Variants in CD36 observed in about 807,000 individuals in gnomAD.
The protein encoded by CD36 is platelet glycoprotein 4.
A neutral mutation model predicts 55.2 loss-of-function variants in CD36; 119 were observed. That is an observed-to-expected ratio of 2.15 (90% CI 1.86 to 2.51). CD36 has a LOEUF of 2.51. CD36 is among the 30% of genes most tolerant of loss of function. The pLI is 0.00. For synonymous variants in CD36, 186 were observed against 193.6 expected (o/e 0.96, Z 0.33); for missense variants, 819 against 555.5 (o/e 1.47, Z -4.77).
intron 1 of CD36, among the ~76,000 whole-genome samples, chr7:80,629,511 C>CT (rs747359717): frequency 3.3e-5 from 5 of 151,992 alleles, no homozygotes; most frequent in Non-Finnish European, 7.4e-5. Flanking sequence ...TATGGAGAAA[C>CT]TTTCGAATCT....
At chr7:80,666,191 T>A in intron 7 of CD36, 1 of 457,948 alleles carries the variant, frequency 2.2e-6, no homozygotes. Context: ...TTTTTTCTTA[T>A]TCCAAGATGT....
chr7:80,670,754 T>C (rs1242044784), intron 9 of CD36: 3 of 538,940 alleles, frequency 5.6e-6, no homozygotes, highest in Non-Finnish European at 9.9e-6. Context: ...GAGAAGTAAC[T>C]TGAGTATAAA....
chr7:80,673,352 C>T lies in CD36; in HGVS notation c.1200-3C>T, dbSNP rs750483474. 1.5e-6 allele frequency: 2 copies of T among 1,354,588 alleles called. No homozygotes were observed. Among genetic ancestry groups the T allele is most frequent in the South Asian group, 1.2e-5 (1 of 83,536 alleles). 83.9% of individuals were successfully genotyped at this position (1,354,588 alleles called of 1,614,324 possible). On this transcript the variant is annotated splice_polypyrimidine_tract_variant and splice_region_variant and intron_variant, in intron 12 of 14. Transcript: ENST00000447544. ...TCATAATTATTTTCAACGTATATTA[C>T]AGAGTATTAAAGAATCTGAAGAGGA...
chr7:80,671,676 AG>A (rs1269995309), intron 10 of CD36, among the ~76,000 whole-genome samples: 1 of 152,006 alleles, frequency 6.6e-6, no homozygotes, highest in Non-Finnish European at 1.5e-5. Context: ...GGAAGAAGAA[AG>A]AAAAAACTAG....
chr7:80,615,916 T>C (rs184074917), intron 1 of CD36, among the ~76,000 whole-genome samples: 26 of 152,340 alleles, frequency 1.7e-4, no homozygotes, highest in African/African-American at 6.3e-4. Flanking sequence ...AGGATAATTC[T>C]GTTTTTAGGA....
chr7:80,640,475 G>C (rs2116292324), intron 1 of CD36, among the ~76,000 whole-genome samples: 1 of 152,010 alleles, frequency 6.6e-6, no homozygotes, highest in South Asian at 2.1e-4. Context: ...CTTATTTGAT[G>C]TAAGTAAACT....
chr7:80,664,149 T>C (rs1477070950), intron 6 of CD36, among the ~76,000 whole-genome samples: 1 of 152,148 alleles, frequency 6.6e-6, no homozygotes. Flanking sequence ...AATGCCCTCA[T>C]TGGCTTAATT....
At chr7:80,670,308 G>T (rs1364285678) in intron 9 of CD36, 2 of 418,250 alleles carry the variant, frequency 4.8e-6, no homozygotes, top group African/African-American at 2.0e-5. Context: ...CAGAGAAGAT[G>T]ATGCAAATGT....
At chr7:80,617,729 A>C (rs1584283909) in intron 1 of CD36, among the ~76,000 whole-genome samples, 1 of 4,916 alleles carries the variant, frequency 2.0e-4, no homozygotes, top group Non-Finnish European at 9.4e-4. Context: ...TGTGTCTCCA[A>C]AAAAAAAAAA....
rs77725362 is a variant in CD36, at chr7:80,642,218, C to T, written c.-184+3472C>T. ...TTTTAAGCAGGAAGTAAATTATTACCGATACAGTATCAATATCTTGTCTGT... is the reference window on the plus strand; with the variant it reads ...TTTTAAGCAGGAAGTAAATTATTACTGATACAGTATCAATATCTTGTCTGT... On this transcript the variant is annotated intron_variant, in intron 1 of 14. Transcript: ENST00000447544. Among the ~76,000 whole-genome samples, 624 of 152,020 alleles carry T rather than the reference C, an allele frequency of 4.1e-3. 10 individuals are homozygous for T. The highest frequency in any genetic ancestry group is 0.018 in the East Asian group (94 of 5,178).
chr7:80,637,769 T>A (rs1219490457), upstream of CD36, among the ~76,000 whole-genome samples: 1 of 152,104 alleles, frequency 6.6e-6, no homozygotes, highest in Non-Finnish European at 1.5e-5. Flanking sequence ...AGCTCTCCTA[T>A]CAAATACATG....
chr7:80,670,833 TC>T, intron 9 of CD36, 143 bp from the exon 10 acceptor site: 1 of 665,192 alleles, frequency 1.5e-6, no homozygotes, highest in South Asian at 1.8e-5. Flanking sequence ...TGTTAAAATT[TC>T]CCAATCACTT....
At chr7:80,650,342 T>A (rs1354498116) in intron 3 of CD36, among the ~76,000 whole-genome samples, 1 of 152,166 alleles carries the variant, frequency 6.6e-6, no homozygotes, top group Non-Finnish European at 1.5e-5. Flanking sequence ...GGTGGAATAT[T>A]GTTTGAATAG....
At chr7:80,674,195 T>C in intron 14 of CD36, 48 bp downstream of exon 14, 2 of 1,333,942 alleles carry the variant, frequency 1.5e-6, no homozygotes, top group Non-Finnish European at 2.1e-6. Flanking sequence ...AGCTTATATA[T>C]TACTTGTTTT....
At position 80,656,691 on chromosome 7, in the gene CD36, A is replaced by T; in HGVS notation, c.272A>T (p.Tyr91Phe). ...SNIQVKQRGP[Y>F]TYRVRFLAKE... is the part of the protein sequence containing the mutation. ...ATTCAAGTTAAGCAAAGAGGTCCTT[A>T]TACGTACAGGTGAGTGAGTCCCCAC... Residue 91 changes from tyrosine to phenylalanine, a missense_variant, in exon 4 of 15, where the codon TAT becomes TTT. Coordinates refer to ENST00000447544, the MANE Select transcript of CD36 (RefSeq NM_001001548.3). 6.2e-7 allele frequency: 1 copy of T among 1,613,500 alleles called. No individual in the cohort carries two copies. Among genetic ancestry groups the T allele is most frequent in the South Asian group, 1.1e-5 (1 of 91,070 alleles).
intron 1 of CD36, among the ~76,000 whole-genome samples, chr7:80,641,862 C>T (rs1794837820): frequency 6.6e-6 from 1 of 151,720 alleles, no homozygotes; most frequent in South Asian, 2.1e-4. Flanking sequence ...AGCTTAGTCT[C>T]TGTTTCTACT....
At chr7:80,612,728 T>C (rs1792942515) in intron 1 of CD36, among the ~76,000 whole-genome samples, 1 of 152,180 alleles carries the variant, frequency 6.6e-6, no homozygotes, top group Non-Finnish European at 1.5e-5. Context: ...TCTTTAATTT[T>C]CCACATTGAC....
At chr7:80,643,623 CAG>C (rs1273622754) in intron 1 of CD36, among the ~76,000 whole-genome samples, 1 of 152,098 alleles carries the variant, frequency 6.6e-6, no homozygotes, top group African/African-American at 2.4e-5. Context: ...AGTTAAGAAA[CAG>C]AGTCTCTGGG....
chr7:80,668,448 C>T (rs537483233), intron 8 of CD36, among the ~76,000 whole-genome samples: 1 of 152,060 alleles, frequency 6.6e-6, no homozygotes, highest in African/African-American at 2.4e-5. Context: ...GTGTTTTCAT[C>T]GTAATTTAGA....
Sources: allele counts gnomAD v4.1 joint callset (sites outside exome capture counted in the v4.1 genomes callset), GRCh38; gene constraint gnomAD v4.1.1; transcripts MANE v1.5; gene names NCBI Gene and HGNC (gene_info 2026-07-23, HGNC 2026-07-21).